The following FANCL variants were observed in gnomAD, a reference collection of about 807,000 sequenced individuals.
FANCL encodes the protein FA complementation group L.
In FANCL, 69 loss-of-function variants were observed where a neutral mutation model predicts 59.4. That is an observed-to-expected ratio of 1.16 (90% CI 0.96 to 1.42). The LOEUF is 1.42. Among genes scored for constraint, FANCL ranks in the 40% most tolerant of loss-of-function variants. The pLI, the probability that FANCL is intolerant of heterozygous loss-of-function variation, is 0.00. For missense variants in FANCL, 519 were observed against 447.2 expected (o/e 1.16, Z -1.45); for synonymous variants, 180 against 147.1 (o/e 1.22, Z -1.62).
At chr2:58,173,887 A>G (rs1686961352) in intron 7 of FANCL, among the ~76,000 whole-genome samples, 1 of 152,082 alleles carries the variant, frequency 6.6e-6, no homozygotes, top group Non-Finnish European at 1.5e-5. Context: ...GTATTCAGGA[A>G]ACAAATCTCA....
chr2:58,163,546 G>C (rs776241464), intron 8 of FANCL, 29 bp from the exon 9 acceptor site: 1 of 1,365,436 alleles, frequency 7.3e-7, no homozygotes, highest in South Asian at 1.2e-5. Context: ...AAATCTTTTA[G>C]AAGTAGAACA....
intron 7 of FANCL, among the ~76,000 whole-genome samples, chr2:58,192,225 C>G (rs1185306354): frequency 1.3e-5 from 2 of 151,858 alleles, no homozygotes; most frequent in Non-Finnish European, 2.9e-5. Flanking sequence ...TCAAAATGCA[C>G]AGATCTCAAA....
intron 5 of FANCL, among the ~76,000 whole-genome samples, chr2:58,218,689 A>G (rs1692094433): frequency 6.6e-6 from 1 of 152,016 alleles, no homozygotes; most frequent in Admixed American, 6.5e-5. Context: ...GTACAGATTA[A>G]TAATTCTGAT....
chr2:58,204,232 G>C lies in FANCL; in HGVS notation c.375-6C>G. ...AGGTATCCGCATACACAAGTCTGGT[G>C]AGCAGAGGAGAATAAAAAATGATCA... On this transcript the variant is annotated splice_polypyrimidine_tract_variant and splice_region_variant and intron_variant, in intron 5 of 13. Transcript: ENST00000233741. 6.2e-7 allele frequency: 1 copy of C among 1,607,812 alleles called. No individual in the cohort carries two copies. Among genetic ancestry groups the C allele is most frequent in the Non-Finnish European group, 8.5e-7 (1 of 1,174,412 alleles).
intron 3 of FANCL, 152 bp from the exon 4 acceptor site, chr2:58,226,936 T>C: frequency 1.5e-6 from 1 of 681,266 alleles, no homozygotes; most frequent in South Asian, 1.8e-5. Context: ...GGTCATCAAC[T>C]TTACTACTCC....
chr2:58,221,767 C>T (rs190552344), intron 5 of FANCL, among the ~76,000 whole-genome samples, 175 bp downstream of exon 5: 27 of 152,218 alleles, frequency 1.8e-4, no homozygotes, highest in African/African-American at 6.3e-4. Context: ...CTTTGTAAGG[C>T]AATTTTTTAT....
At chr2:58,175,765 G>A (rs1338754838) in intron 7 of FANCL, among the ~76,000 whole-genome samples, 2 of 152,116 alleles carry the variant, frequency 1.3e-5, no homozygotes, top group African/African-American at 2.4e-5. Flanking sequence ...TCAACATAGT[G>A]TTGGAAGTTC....
At chr2:58,191,647 T>G (rs771560066) in intron 7 of FANCL, among the ~76,000 whole-genome samples, 7 of 151,924 alleles carry the variant, frequency 4.6e-5, no homozygotes. Context: ...TTTAAAGTCT[T>G]TAACATATAC....
chr2:58,176,208 C>T (rs897390184), intron 7 of FANCL, among the ~76,000 whole-genome samples: 3 of 152,096 alleles, frequency 2.0e-5, no homozygotes, highest in Non-Finnish European at 2.9e-5. Flanking sequence ...CACTGCCCAA[C>T]GTACTTTATA....
chr2:58,161,478 T>C, intron 12 of FANCL, 44 bp downstream of exon 12: 1 of 1,151,460 alleles, frequency 8.7e-7, no homozygotes. Flanking sequence ...ACTTCCTATG[T>C]TGTGTTAGCG....
At chr2:58,164,966 G>T (rs964969324) in intron 8 of FANCL, among the ~76,000 whole-genome samples, 4 of 151,840 alleles carry the variant, frequency 2.6e-5, no homozygotes, top group Non-Finnish European at 4.4e-5. Context: ...TCACTAACTT[G>T]GATGTGATTC....
chr2:58,206,393 G>A (rs1381422853), intron 5 of FANCL, among the ~76,000 whole-genome samples: 2 of 152,050 alleles, frequency 1.3e-5, no homozygotes, highest in Non-Finnish European at 2.9e-5. Context: ...ATAAGACTGG[G>A]GATAGAAAAT....
intron 3 of FANCL, among the ~76,000 whole-genome samples, chr2:58,227,904 G>T (rs1379379580): frequency 6.6e-6 from 1 of 151,402 alleles, no homozygotes; most frequent in African/African-American, 2.4e-5. Flanking sequence ...AAGAAGAAGA[G>T]AAAGAAGAGG....
At chr2:58,183,276 T>A (rs1329198127) in intron 7 of FANCL, among the ~76,000 whole-genome samples, 1 of 151,862 alleles carries the variant, frequency 6.6e-6, no homozygotes, top group Non-Finnish European at 1.5e-5. Context: ...TCCAAACTCT[T>A]AAGTTTAGAG....
In FANCL at chr2:58,162,865, C is replaced by T. The variant is rs1173663404; in HGVS notation, c.903+1G>A. On this transcript the variant is annotated splice_donor_variant, in intron 11 of 13. Transcript: ENST00000233741. LOFTEE classifies it high-confidence loss of function. Reference sequence around the variant, plus strand: ...AATATCAAAACACTGATAAAACTTACAGATTTTTCCAGGATAGCACGAGCT... The same window carrying T: ...AATATCAAAACACTGATAAAACTTATAGATTTTTCCAGGATAGCACGAGCT... 6.2e-7 allele frequency: 1 copy of T among 1,609,886 alleles called. No homozygotes were observed. Among genetic ancestry groups the T allele is most frequent in the South Asian group, 1.1e-5 (1 of 90,974 alleles).
chr2:58,226,696 G>A (rs919250467), intron 4 of FANCL, 32 bp downstream of exon 4: 4 of 1,527,286 alleles, frequency 2.6e-6, no homozygotes, highest in Middle Eastern at 1.7e-4. Context: ...TTGCAGTATG[G>A]TAACAGTGTC....
At chr2:58,180,644 C>T (rs1300786734) in intron 7 of FANCL, among the ~76,000 whole-genome samples, 2 of 151,978 alleles carry the variant, frequency 1.3e-5, no homozygotes, top group African/African-American at 2.4e-5. Context: ...CACCATGGCA[C>T]GTGTATACCT....
Position 58,160,187 on chromosome 2 carries a change from T to C in FANCL, c.1021-8A>G, listed in dbSNP as rs1306459399. On this transcript the variant is annotated splice_polypyrimidine_tract_variant and splice_region_variant and intron_variant, in intron 12 of 13. Transcript: ENST00000233741. ...TAGTAGTCCTCTCAGCCACTGCAAA[T>C]TTTAAAAGATAAAGGAGAAGCGTCA... 6.2e-7 allele frequency: 1 copy of C among 1,612,158 alleles called. No individual in the cohort carries two copies. Among genetic ancestry groups the C allele is most frequent in the Non-Finnish European group, 8.5e-7 (1 of 1,178,472 alleles).
chr2:58,166,546 A>G (rs114875916), intron 7 of FANCL, among the ~76,000 whole-genome samples: 1,634 of 152,330 alleles, frequency 0.011, 40 homozygotes, highest in African/African-American at 0.037. Flanking sequence ...CACTGACTTT[A>G]AAAATCAGTT....
Sources: gnomAD v4.1 joint callset for allele counts (sites outside exome capture counted in the v4.1 genomes callset) on GRCh38, gnomAD v4.1.1 for gene constraint, MANE v1.5 for transcripts, NCBI Gene and HGNC (gene_info 2026-07-23, HGNC 2026-07-21) for gene names.